The following ZFR2 variants were observed in gnomAD, a reference collection of about 807,000 sequenced individuals.
ZFR2 encodes zinc finger RNA-binding protein 2.
A neutral mutation model predicts 105.7 loss-of-function variants in ZFR2; 104 were observed. The observed-to-expected ratio is 0.98, with a 90% confidence interval of 0.84 to 1.16. The LOEUF is 1.16. ZFR2 is among the 50% of genes most tolerant of loss of function. The pLI is 0.00. For missense variants in ZFR2, 1,425 were observed against 1,355.5 expected (o/e 1.05, Z -0.80); for synonymous variants, 634 against 597.7 (o/e 1.06, Z -0.89).
At chr19:3,839,775 T>C (rs1055939858) in intron 1 of ZFR2, among the ~76,000 whole-genome samples, 2 of 152,052 alleles carry the variant, frequency 1.3e-5, no homozygotes, top group African/African-American at 4.8e-5. Flanking sequence ...TCCTATTCCT[T>C]TTTCTTCCTC....
At chr19:3,811,147 C>T (rs1428104037) in intron 15 of ZFR2, 125 bp downstream of exon 15, 22 of 950,224 alleles carry the variant, frequency 2.3e-5, no homozygotes, top group Non-Finnish European at 3.3e-5. Context: ...AAGCTGATGG[C>T]AGGCGTCCCG....
At chr19:3,807,790 G>A (rs975046556) in intron 17 of ZFR2, among the ~76,000 whole-genome samples, 6 of 150,438 alleles carry the variant, frequency 4.0e-5, no homozygotes, top group African/African-American at 9.8e-5. Flanking sequence ...ATGCATGTGC[G>A]CCTGTGTGTG....
chr19:3,811,704 C>A (rs1028644761), intron 14 of ZFR2, among the ~76,000 whole-genome samples: 1 of 152,118 alleles, frequency 6.6e-6, no homozygotes, highest in African/African-American at 2.4e-5. Flanking sequence ...ATCCTCCCAC[C>A]TCAGCCTCCC....
intron 11 of ZFR2, 31 bp from the exon 12 acceptor site, chr19:3,819,266 G>A: frequency 6.8e-7 from 1 of 1,474,978 alleles, no homozygotes; most frequent in Non-Finnish European, 8.9e-7. Context: ...TGTCAAGGGT[G>A]GTCTGTGGGG....
rs190264250 is a variant in ZFR2, at chr19:3,804,127, C to T, written c.*1822G>A. 12 of 152,272 alleles carry T rather than the reference C, an allele frequency of 7.9e-5. No individual in the cohort carries two copies. The East Asian group carries it at 2.1e-3, about 27-fold the overall frequency. The allele number at this position is 152,272 out of a possible 1,614,324, so 9.4% of individuals were successfully genotyped here. A position where few individuals can be genotyped will look rare whatever the true frequency, so the allele number is the denominator to read the frequency against. ...AGGCTGTCCTTCAAACACAGAGAAA[C>T]AAAACTGAGCCACTGGCTGGAGATC... is the stretch of plus-strand genomic sequence containing the variant. On this transcript the variant is annotated 3_prime_UTR_variant, in exon 19 of 19. Transcript: ENST00000262961.
At chr19:3,814,100 G>T in intron 13 of ZFR2, 142 bp from the exon 14 acceptor site, 2 of 1,282,244 alleles carry the variant, frequency 1.6e-6, no homozygotes, top group Non-Finnish European at 2.1e-6. Context: ...CCTGTGCCCT[G>T]TGTCTGGAAC....
chr19:3,847,081 A>C (rs2038191895), intron 1 of ZFR2, among the ~76,000 whole-genome samples: 1 of 152,216 alleles, frequency 6.6e-6, no homozygotes. Flanking sequence ...TGTTCCTCCC[A>C]GGCAGGCCTT....
chr19:3,831,763 T>C lies in ZFR2; in HGVS notation c.495A>G (p.Gly165=), dbSNP rs761483238. Residue 165 remains glycine, a synonymous_variant, in exon 4 of 19, where the codon GGA becomes GGG. Transcript: ENST00000262961. ...CGCCTGTCGCCGTGGGGTAGGTGTA[T>C]CCCGAGGACAAGGTGCTCGCTGGCT... is the stretch of plus-strand genomic sequence containing the variant. ...SGQPASTLSS[G]YTYPTATGVQ... 6.2e-6 allele frequency: 10 copies of C among 1,610,312 alleles called. No individual in the cohort carries two copies. The highest frequency in any genetic ancestry group is 1.7e-5 in the Admixed American group (1 of 59,760).
At chr19:3,809,104 CCCA>C (rs954195065) in intron 16 of ZFR2, 121 bp from the exon 17 acceptor site, 3 of 690,868 alleles carry the variant, frequency 4.3e-6, no homozygotes, top group Non-Finnish European at 6.7e-6. Context: ...ACTCCCACCA[CCCA>C]CTGAACTTCC....
intron 11 of ZFR2, 122 bp downstream of exon 11, chr19:3,820,060 G>T: frequency 1.0e-6 from 1 of 960,220 alleles, no homozygotes; most frequent in Non-Finnish European, 1.6e-6. Context: ...CTGGGCCATG[G>T]AGCCCCATCC....
chr19:3,859,628 A>T (rs1306917967), intron 1 of ZFR2, among the ~76,000 whole-genome samples: 2 of 152,198 alleles, frequency 1.3e-5, no homozygotes, highest in African/African-American at 4.8e-5. Flanking sequence ...ACCCAGGTGG[A>T]GGGCGCAGGG....
chr19:3,836,944 A>G (rs1376585716), intron 1 of ZFR2, among the ~76,000 whole-genome samples: 1 of 152,158 alleles, frequency 6.6e-6, no homozygotes, highest in African/African-American at 2.4e-5. Flanking sequence ...TGAACCTCCA[A>G]CCCCATAGGG....
intron 5 of ZFR2, among the ~76,000 whole-genome samples, chr19:3,830,955 A>G: frequency 6.7e-6 from 1 of 148,840 alleles, no homozygotes; most frequent in African/African-American, 2.4e-5. Flanking sequence ...GCGCACACAT[A>G]CACACACGCA....
chr19:3,861,553 G>A (rs2038373744), intron 1 of ZFR2, among the ~76,000 whole-genome samples: 1 of 152,148 alleles, frequency 6.6e-6, no homozygotes, highest in South Asian at 2.1e-4. Flanking sequence ...TTGAGGCCAG[G>A]AGGTTGAGGC....
At position 3,806,274 on chromosome 19, in the gene ZFR2, C is replaced by G. The variant is rs929707189; in HGVS notation, c.2644-149G>C. 13 of 913,562 alleles carry G rather than the reference C, an allele frequency of 1.4e-5. No homozygotes were observed. The African/African-American group carries it at 1.9e-4, about 14-fold the overall frequency. The allele number at this position is 913,562 out of a possible 1,614,324, so 56.6% of individuals were successfully genotyped here. A position where few individuals can be genotyped will look rare whatever the true frequency, so the allele number is the denominator to read the frequency against. ...ATAGCCCCCGGCCCCCCGCCGCTTTCTTTTTTGAGACACAGTCTCGCTCTG... is the reference window on the plus strand; with the variant it reads ...ATAGCCCCCGGCCCCCCGCCGCTTTGTTTTTTGAGACACAGTCTCGCTCTG... On this transcript the variant is annotated intron_variant, in intron 18 of 18. Transcript: ENST00000262961.
At chr19:3,831,227 C>T (rs991345883) in intron 5 of ZFR2, 76 bp downstream of exon 5, 9 of 1,430,822 alleles carry the variant, frequency 6.3e-6, no homozygotes, top group Admixed American at 2.9e-5. Flanking sequence ...ACCACCCCAC[C>T]GGCGCCCACA....
intron 1 of ZFR2, among the ~76,000 whole-genome samples, chr19:3,845,500 A>G (rs1405039876): frequency 6.6e-6 from 1 of 150,780 alleles, no homozygotes; most frequent in African/African-American, 2.4e-5. Context: ...AAAAAGGTAA[A>G]ACTGCAACAT....
chr19:3,827,988 T>C (rs1460436397), intron 5 of ZFR2, among the ~76,000 whole-genome samples: 1 of 149,908 alleles, frequency 6.7e-6, no homozygotes, highest in East Asian at 2.0e-4. Flanking sequence ...ACCCGGCTAA[T>C]TTTTGTATTT....
chr19:3,848,288 C>T (rs978656748), intron 1 of ZFR2, among the ~76,000 whole-genome samples: 4 of 151,792 alleles, frequency 2.6e-5, no homozygotes, highest in Non-Finnish European at 5.9e-5. Flanking sequence ...GGCGGGCGCC[C>T]GTAATCCCAG....
Sources: allele counts gnomAD v4.1 joint callset (sites outside exome capture counted in the v4.1 genomes callset), GRCh38; gene constraint gnomAD v4.1.1; transcripts MANE v1.5; gene names NCBI Gene and HGNC (gene_info 2026-07-23, HGNC 2026-07-21).